KDM4C: variants seen among roughly 807,000 people sequenced by gnomAD.
KDM4C encodes the protein lysine demethylase 4C, also known as lysine-specific demethylase 4C.
A neutral mutation model predicts 129.3 loss-of-function variants in KDM4C; 81 were observed. The observed-to-expected ratio is 0.63, with a 90% CI of 0.52 to 0.75. The LOEUF is 0.75. Among genes scored for constraint, KDM4C ranks in the 30% least tolerant of loss-of-function variants. The probability of loss-of-function intolerance (pLI) is 0.00; values close to 1 mark genes in which losing one functional copy is unlikely to be tolerated. For missense variants in KDM4C, 1,457 were observed against 1,304.0 expected (o/e 1.12, Z -1.81); for synonymous variants, 573 against 456.1 (o/e 1.26, Z -3.26).
chr9:7,034,326 T>C (rs756021261), intron 15 of KDM4C, among the ~76,000 whole-genome samples: 1 of 152,202 alleles, frequency 6.6e-6, no homozygotes, highest in Non-Finnish European at 1.5e-5. Context: ...GCTGTAATTT[T>C]TTATCTTTTA....
At chr9:6,762,798 A>G (rs944437138) in intron 1 of KDM4C, among the ~76,000 whole-genome samples, 2 of 151,724 alleles carry the variant, frequency 1.3e-5, no homozygotes, top group Non-Finnish European at 2.9e-5. Context: ...AGCTGAAATT[A>G]CAGGCACCTG....
At chr9:7,037,408 A>G (rs977621892) in intron 15 of KDM4C, among the ~76,000 whole-genome samples, 6 of 152,188 alleles carry the variant, frequency 3.9e-5, no homozygotes, top group African/African-American at 1.2e-4. Flanking sequence ...TCGGCTGCAA[A>G]TAATGAACAA....
At chr9:6,802,838 C>G (rs1469268496) in intron 2 of KDM4C, among the ~76,000 whole-genome samples, 1 of 152,200 alleles carries the variant, frequency 6.6e-6, no homozygotes, top group African/African-American at 2.4e-5. Flanking sequence ...AACTTCTGAC[C>G]TCAGGTGGTC....
intron 1 of KDM4C, among the ~76,000 whole-genome samples, chr9:6,786,135 A>G (rs1588252264): frequency 1.8e-5 from 2 of 112,400 alleles, no homozygotes; most frequent in East Asian, 4.5e-4. Flanking sequence ...GTTTAAGAGA[A>G]TACAAGTCAG....
At chr9:6,735,403 C>A (rs1588043854) in intron 1 of KDM4C, among the ~76,000 whole-genome samples, 1 of 152,142 alleles carries the variant, frequency 6.6e-6, no homozygotes, top group South Asian at 2.1e-4. Context: ...CAGTGATATG[C>A]TTTGGCTGTG....
At chr9:6,831,691 A>G (rs1834860982) in intron 4 of KDM4C, among the ~76,000 whole-genome samples, 1 of 152,138 alleles carries the variant, frequency 6.6e-6, no homozygotes, top group African/African-American at 2.4e-5. Flanking sequence ...CCTGAGCCTA[A>G]TAATCATGTC....
At chr9:6,869,962 G>A (rs1209300875) in intron 5 of KDM4C, among the ~76,000 whole-genome samples, 2 of 152,202 alleles carry the variant, frequency 1.3e-5, no homozygotes. Context: ...ATTAAAACTT[G>A]TTAGCACCAT....
chr9:7,036,211 A>T (rs1415253057), intron 15 of KDM4C, among the ~76,000 whole-genome samples: 1 of 152,050 alleles, frequency 6.6e-6, no homozygotes, highest in Non-Finnish European at 1.5e-5. Context: ...CTTCTTGGTT[A>T]AATTTATTTC....
chr9:6,783,360 C>A (rs80047025), intron 1 of KDM4C, among the ~76,000 whole-genome samples: 1 of 152,232 alleles, frequency 6.6e-6, no homozygotes, highest in Non-Finnish European at 1.5e-5. Flanking sequence ...AGGACAGATT[C>A]GTTTTTATCC....
intron 17 of KDM4C, among the ~76,000 whole-genome samples, chr9:7,101,042 A>G (rs915184736): frequency 4.0e-5 from 6 of 151,820 alleles, no homozygotes; most frequent in African/African-American, 1.2e-4. Context: ...CCTTTTTCCT[A>G]TATAGTTACG....
At chr9:6,766,545 C>G (rs550048077) in intron 1 of KDM4C, among the ~76,000 whole-genome samples, 1 of 152,022 alleles carries the variant, frequency 6.6e-6, no homozygotes, top group African/African-American at 2.4e-5. Context: ...GAAATATGAA[C>G]TTTTTCAGTC....
chr9:7,121,295 G>T lies in KDM4C; in HGVS notation c.2611-6771G>T, dbSNP rs139789046. On this transcript the variant is annotated intron_variant, in intron 18 of 21. Transcript: ENST00000381309. The stretch of plus-strand genomic sequence containing the variant: ...CTGATCTTGGCTGGGTTCTCTCACA[G>T]GTTTATGGCCTGTGGTCAGTGTGAT... Among the ~76,000 whole-genome samples, 410 of 152,278 alleles carry T rather than the reference G, an allele frequency of 2.7e-3. 3 individuals are homozygous for T. The highest frequency in any genetic ancestry group is 9.7e-3 in the African/African-American group (402 of 41,544).
At position 6,748,570 on chromosome 9, in the gene KDM4C, C is replaced by T. The variant is rs190965616; in HGVS notation, c.49+27573C>T. On this transcript the variant is annotated intron_variant, in intron 1 of 17. Transcript: ENST00000536108. Reference sequence around the variant, plus strand: ...ATTATTAGTTTTAATACAAACAATCCCACAGCATTTATTGCCATCTTGTAA... The same window carrying T: ...ATTATTAGTTTTAATACAAACAATCTCACAGCATTTATTGCCATCTTGTAA... 850 of 545,250 alleles carry T rather than the reference C, an allele frequency of 1.6e-3. 4 individuals are homozygous for T. The highest frequency in any genetic ancestry group is 0.011 in the East Asian group (352 of 31,602). 33.8% of individuals were successfully genotyped at this position (545,250 alleles called of 1,614,324 possible).
At chr9:6,933,558 A>G (rs1046648808) in intron 8 of KDM4C, among the ~76,000 whole-genome samples, 3 of 152,242 alleles carry the variant, frequency 2.0e-5, no homozygotes, top group African/African-American at 4.8e-5. Context: ...TGAATTTGAC[A>G]TACAATTTAA....
chr9:7,170,606 G>A (rs530366864), intron 21 of KDM4C: 1 of 948,462 alleles, frequency 1.1e-6, no homozygotes, highest in Admixed American at 6.2e-5. Context: ...CTGAAATGAA[G>A]TCAGTTTTAT....
chr9:6,721,657 C>T (rs551907891), intron 1 of KDM4C, among the ~76,000 whole-genome samples: 18 of 148,552 alleles, frequency 1.2e-4, no homozygotes, highest in East Asian at 6.1e-4. Flanking sequence ...GGCGTGGTCT[C>T]GGCTCACTGC....
At chr9:7,103,924 GT>G in intron 18 of KDM4C, 54 bp downstream of exon 18, 1 of 1,488,008 alleles carries the variant, frequency 6.7e-7, no homozygotes, top group Non-Finnish European at 9.3e-7. Flanking sequence ...ATTTTCTCCT[GT>G]TTTAGACTAC....
At chr9:6,786,568 T>C (rs1825543659) in intron 1 of KDM4C, among the ~76,000 whole-genome samples, 1 of 152,158 alleles carries the variant, frequency 6.6e-6, no homozygotes. Context: ...AAAATCATAG[T>C]GGTGCTTGTT....
At chr9:6,984,781 C>T (rs16925068) in intron 10 of KDM4C, among the ~76,000 whole-genome samples, 7,843 of 150,620 alleles carry the variant, frequency 0.052, 361 homozygotes, top group East Asian at 0.26. Flanking sequence ...TCTTAGCTTT[C>T]GACTTAAGAA....
Sources: gnomAD v4.1 joint callset for allele counts (sites outside exome capture counted in the v4.1 genomes callset) on GRCh38, gnomAD v4.1.1 for gene constraint, MANE v1.5 for transcripts, NCBI Gene and HGNC (gene_info 2026-07-23, HGNC 2026-07-21) for gene names.